PSPC1: variants seen among roughly 807,000 people sequenced by gnomAD.
The protein encoded by PSPC1 is paraspeckle protein 1.
PSPC1 carries 14 observed loss-of-function variants against 51.6 expected under a neutral mutation model. The observed-to-expected ratio is 0.27, with a 90% CI of 0.18 to 0.42. The LOEUF (loss-of-function observed/expected upper bound fraction) is 0.42. Ranked by LOEUF, PSPC1 falls within the 10% of genes least tolerant of loss-of-function variation. PSPC1 has a pLI of 1.00. For synonymous variants in PSPC1, 193 were observed against 231.9 expected (o/e 0.83, Z 1.53); for missense variants, 406 against 701.1 (o/e 0.58, Z 4.75).
At chr13:19,707,617 C>T (rs947822307) in intron 7 of PSPC1, among the ~76,000 whole-genome samples, 3 of 152,056 alleles carry the variant, frequency 2.0e-5, no homozygotes, top group Admixed American at 6.6e-5. Flanking sequence ...GAGTTAAGTG[C>T]TAAAATGTAA....
chr13:19,698,819 G>T (rs1780665672), downstream of PSPC1, among the ~76,000 whole-genome samples: 1 of 151,800 alleles, frequency 6.6e-6, no homozygotes, highest in African/African-American at 2.4e-5. Flanking sequence ...TGTTTAATGT[G>T]TATGTATAAA....
chr13:19,714,489 G>A (rs898931828), intron 6 of PSPC1, among the ~76,000 whole-genome samples: 4 of 149,756 alleles, frequency 2.7e-5, no homozygotes, highest in African/African-American at 7.4e-5. Context: ...GCAGCCCAGC[G>A]GATTTCTTTT....
At chr13:19,746,367 A>T (rs1234212607) in intron 4 of PSPC1, among the ~76,000 whole-genome samples, 1 of 151,532 alleles carries the variant, frequency 6.6e-6, no homozygotes, top group Non-Finnish European at 1.5e-5. Context: ...GCGCCACTGC[A>T]CTCCAGCCTG....
chr13:19,716,400 C>T (rs1882094103), intron 6 of PSPC1, among the ~76,000 whole-genome samples: 1 of 152,184 alleles, frequency 6.6e-6, no homozygotes, highest in Non-Finnish European at 1.5e-5. Context: ...TCAACTGGAA[C>T]ACCATTTAAT....
rs181974722 is a variant in PSPC1, at chr13:19,740,371, A to C, written c.1052+1194T>G. 4.5e-3 allele frequency among the ~76,000 whole-genome samples: 689 copies of C among 152,274 alleles called. 5 individuals carry two copies. The highest frequency in any genetic ancestry group is 0.026 in the South Asian group (127 of 4,826). ...AAAAAAAAAAGAATGAATTGGGTAGAGTAAAATCACATAGAAATATTTATA... is the reference window on the plus strand; with the variant it reads ...AAAAAAAAAAGAATGAATTGGGTAGCGTAAAATCACATAGAAATATTTATA... On this transcript the variant is annotated intron_variant, in intron 5 of 8. Transcript: ENST00000338910.
intron 2 of PSPC1, among the ~76,000 whole-genome samples, chr13:19,767,643 G>C (rs1695531794): frequency 6.8e-6 from 1 of 147,482 alleles, no homozygotes; most frequent in Non-Finnish European, 1.5e-5. Context: ...AAAAAGTACA[G>C]ATTTTTTTTT....
intron 5 of PSPC1, 63 bp downstream of exon 5, chr13:19,741,502 G>C (rs1885426841): frequency 1.7e-6 from 2 of 1,197,950 alleles, no homozygotes; most frequent in Admixed American, 2.2e-5. Flanking sequence ...CTTGTAACAG[G>C]TTGTGGGGAG....
chr13:19,766,578 G>A (rs1445561524), intron 2 of PSPC1, among the ~76,000 whole-genome samples: 5 of 152,076 alleles, frequency 3.3e-5, no homozygotes, highest in Non-Finnish European at 5.9e-5. Flanking sequence ...CCAGCTACTC[G>A]GAAGGCTGAG....
chr13:19,746,396 C>T (rs1466201896), intron 4 of PSPC1, among the ~76,000 whole-genome samples: 1 of 151,372 alleles, frequency 6.6e-6, no homozygotes, highest in Non-Finnish European at 1.5e-5. Flanking sequence ...AGCGAGACTC[C>T]GTCTCTAAAT....
rs781750077 is a variant in PSPC1, at chr13:19,772,212, T to C, written c.674+30A>G. 1.8e-5 allele frequency: 28 copies of C among 1,594,464 alleles called. 1 individual carries two copies. The highest frequency in any genetic ancestry group is 9.1e-5 in the South Asian group (8 of 87,726). ...AGAGAGAAGCCCATATGTAACTGGA[T>C]AGAAGAAGGACAAGATATTTAAAAC... On this transcript the variant is annotated intron_variant, in intron 2 of 8. Coordinates refer to ENST00000338910, the MANE Select transcript of PSPC1 (RefSeq NM_001354909.2).
At chr13:19,734,946 A>C (rs1884589402) in intron 5 of PSPC1, among the ~76,000 whole-genome samples, 1 of 151,500 alleles carries the variant, frequency 6.6e-6, no homozygotes. Flanking sequence ...CCACTGCATT[A>C]CAGCCTGAGC....
At chr13:19,699,732 T>C (rs1879676124), downstream of PSPC1, among the ~76,000 whole-genome samples, 1 of 151,902 alleles carries the variant, frequency 6.6e-6, no homozygotes, top group Non-Finnish European at 1.5e-5. Context: ...CCCCAAAAAG[T>C]CCATGCCTAA....
In PSPC1 at chr13:19,712,862, T is replaced by A. The variant is rs188237599; in HGVS notation, c.1159-3263A>T. Among the ~76,000 whole-genome samples, 23 of 152,292 alleles carry A rather than the reference T, an allele frequency of 1.5e-4. No individual in the cohort carries two copies. The East Asian group carries it at 3.9e-3, about 26-fold the overall frequency. ...AAAAGAGTATAATTTGATGGCATCA[T>A]TTTGTAACTATCTTAGAAGGGGCAA... On this transcript the variant is annotated intron_variant, in intron 6 of 8. Coordinates refer to ENST00000338910, the MANE Select transcript of PSPC1 (RefSeq NM_001354909.2).
intron 7 of PSPC1, among the ~76,000 whole-genome samples, chr13:19,707,074 C>T (rs1458509832): frequency 1.3e-5 from 2 of 152,072 alleles, no homozygotes; most frequent in South Asian, 2.1e-4. Context: ...ATCTAAGAGG[C>T]GTCTTACCTC....
chr13:19,775,229 G>A (rs763163305), intron 1 of PSPC1, among the ~76,000 whole-genome samples: 1 of 152,128 alleles, frequency 6.6e-6, no homozygotes, highest in Non-Finnish European at 1.5e-5. Flanking sequence ...GCACGGGCCT[G>A]TAGTCCCAGC....
intron 5 of PSPC1, among the ~76,000 whole-genome samples, chr13:19,731,408 T>TTTG (rs10608480): frequency 9.3e-5 from 14 of 151,036 alleles, no homozygotes; most frequent in Admixed American, 2.0e-4. Flanking sequence ...AAAATCTGGA[T>TTTG]TTGTTGTTGT....
chr13:19,745,089 G>A (rs1193768023), intron 4 of PSPC1, among the ~76,000 whole-genome samples: 10 of 152,224 alleles, frequency 6.6e-5, no homozygotes, highest in African/African-American at 2.2e-4. Context: ...AGGCTGAGGC[G>A]GGTGGATCAC....
intron 1 of PSPC1, among the ~76,000 whole-genome samples, chr13:19,773,717 G>A (rs1278232948): frequency 6.6e-6 from 1 of 151,796 alleles, no homozygotes; most frequent in African/African-American, 2.4e-5. Context: ...GGAGTACAGT[G>A]GCACAATCAT....
intron 2 of PSPC1, among the ~76,000 whole-genome samples, chr13:19,768,500 T>C (rs1888284695): frequency 6.6e-6 from 1 of 150,422 alleles, no homozygotes; most frequent in Admixed American, 6.6e-5. Context: ...CAAAAAAAAT[T>C]AGCCGGACAT....
Sources: allele counts gnomAD v4.1 joint callset (sites outside exome capture counted in the v4.1 genomes callset), GRCh38; gene constraint gnomAD v4.1.1; transcripts MANE v1.5; gene names NCBI Gene and HGNC (gene_info 2026-07-23, HGNC 2026-07-21).